The following CSNK1G1 variants were observed in gnomAD, a reference collection of about 807,000 sequenced individuals.
CSNK1G1 encodes the protein casein kinase I isoform gamma-1.
A neutral mutation model predicts 59.6 loss-of-function variants in CSNK1G1; 22 were observed. The observed-to-expected ratio is 0.37, with a 90% CI of 0.26 to 0.53. CSNK1G1 has a LOEUF of 0.53. Among genes scored for constraint, CSNK1G1 ranks in the 20% least tolerant of loss-of-function variants. The pLI, the probability that CSNK1G1 is intolerant of heterozygous loss-of-function variation, is 0.89. For synonymous variants in CSNK1G1, 179 were observed against 177.1 expected, an observed-to-expected ratio of 1.01 and a Z score of -0.08; for missense variants, 384 against 519.5, an observed-to-expected ratio of 0.74 and a Z score of 2.54.
At chr15:64,213,087 A>G (rs2082268663) in intron 6 of CSNK1G1, among the ~76,000 whole-genome samples, 1 of 152,242 alleles carries the variant, frequency 6.6e-6, no homozygotes. Context: ...ATTTCTGCCT[A>G]GGAGTATGGA....
intron 1 of CSNK1G1, among the ~76,000 whole-genome samples, chr15:64,323,468 C>T (rs564272142): frequency 6.6e-6 from 1 of 151,966 alleles, no homozygotes; most frequent in Admixed American, 6.6e-5. Context: ...TGGGTACAAG[C>T]GATTCTCCTG....
rs1331348652 is a variant in CSNK1G1 at position 64,266,557 on chromosome 15, T to C, written c.182-7316A>G. On this transcript the variant is annotated intron_variant, in intron 2 of 11. Coordinates refer to ENST00000303052, the MANE Select transcript of CSNK1G1 (RefSeq NM_022048.5). ...ATATGGAACCACAAAAGATTCCAAATAGCCAAAATAATCTTGGGCAAAAAG... is the reference window on the plus strand; with the variant it reads ...ATATGGAACCACAAAAGATTCCAAACAGCCAAAATAATCTTGGGCAAAAAG... Among the ~76,000 whole-genome samples, 7 of 151,956 alleles carry C rather than the reference T, an allele frequency of 4.6e-5. No individual in the cohort carries two copies. The South Asian group carries it at 1.0e-3, about 22-fold the overall frequency.
chr15:64,185,861 C>CGG, intron 10 of CSNK1G1, among the ~76,000 whole-genome samples: 1 of 119,002 alleles, frequency 8.4e-6, no homozygotes, highest in African/African-American at 3.4e-5. Context: ...GACTCCATCT[C>CGG]GAAAAAAAAA....
chr15:64,270,205 A>G (rs1181678579), intron 2 of CSNK1G1, among the ~76,000 whole-genome samples: 2 of 151,852 alleles, frequency 1.3e-5, no homozygotes, highest in East Asian at 3.9e-4. Context: ...ATTCTTTATT[A>G]GTCTAGCTAG....
At position 64,223,286 on chromosome 15, in the gene CSNK1G1, T is replaced by C. The variant is rs185463815; in HGVS notation, c.293-6573A>G. On this transcript the variant is annotated intron_variant, in intron 4 of 11. Transcript: ENST00000303052. ...TCTTCTTTTGCAGAGCCATCTCTAATCCACTGCTTAAGAAATTTTAAATTA... is the reference window on the plus strand; with the variant it reads ...TCTTCTTTTGCAGAGCCATCTCTAACCCACTGCTTAAGAAATTTTAAATTA... Among the ~76,000 whole-genome samples, 171 of 152,310 alleles carry C rather than the reference T, an allele frequency of 1.1e-3. 1 individual carries two copies. Among genetic ancestry groups the C allele is most frequent in the Non-Finnish European group, 1.7e-3 (114 of 68,022 alleles).
chr15:64,313,162 T>C (rs1896085460), intron 1 of CSNK1G1, among the ~76,000 whole-genome samples: 1 of 152,194 alleles, frequency 6.6e-6, no homozygotes, highest in Non-Finnish European at 1.5e-5. Context: ...GGAGTGTACA[T>C]TAGTTCAACC....
chr15:64,258,080 A>G (rs1274661123), intron 3 of CSNK1G1, among the ~76,000 whole-genome samples: 2 of 152,128 alleles, frequency 1.3e-5, no homozygotes, highest in Non-Finnish European at 2.9e-5. Context: ...GAGAAGAACA[A>G]CCAATCACAG....
At chr15:64,257,012 C>G (rs116317090) in intron 3 of CSNK1G1, among the ~76,000 whole-genome samples, 1,876 of 152,130 alleles carry the variant, frequency 0.012, 28 homozygotes, top group African/African-American at 0.044. Context: ...AGCTCAATTA[C>G]TGCCTTCATA....
chr15:64,229,908 T>A (rs2082521508), intron 4 of CSNK1G1, among the ~76,000 whole-genome samples: 1 of 46,414 alleles, frequency 2.2e-5, no homozygotes, highest in African/African-American at 7.7e-5. Flanking sequence ...GTAAATTTTT[T>A]TTTTTTTTTT....
At chr15:64,212,586 T>C (rs1038722230) in intron 6 of CSNK1G1, among the ~76,000 whole-genome samples, 3 of 152,202 alleles carry the variant, frequency 2.0e-5, no homozygotes, top group Admixed American at 1.3e-4. Context: ...CATGATGGCA[T>C]GCGCCTGTAA....
intron 1 of CSNK1G1, among the ~76,000 whole-genome samples, chr15:64,344,479 G>A (rs1445227027): frequency 6.6e-6 from 1 of 152,066 alleles, no homozygotes; most frequent in Non-Finnish European, 1.5e-5. Context: ...TTAAATATAG[G>A]CTATAATAAC....
At chr15:64,302,608 T>C (rs1465163984) in intron 1 of CSNK1G1, among the ~76,000 whole-genome samples, 2 of 152,182 alleles carry the variant, frequency 1.3e-5, no homozygotes, top group Non-Finnish European at 2.9e-5. Context: ...GTATATCCAC[T>C]ATCCCGGTTA....
At chr15:64,289,654 G>A (rs1174103584) in intron 2 of CSNK1G1, among the ~76,000 whole-genome samples, 1 of 152,070 alleles carries the variant, frequency 6.6e-6, no homozygotes, top group Admixed American at 6.6e-5. Context: ...CTGCTGAATG[G>A]GAGAAAATAT....
At chr15:64,340,383 G>A (rs948840221) in intron 1 of CSNK1G1, among the ~76,000 whole-genome samples, 1 of 151,972 alleles carries the variant, frequency 6.6e-6, no homozygotes, top group African/African-American at 2.4e-5. Context: ...TTGTTTTAAT[G>A]TCAAAAACAT....
At chr15:64,173,179 T>C (rs971722473) in intron 11 of CSNK1G1, among the ~76,000 whole-genome samples, 8 of 152,238 alleles carry the variant, frequency 5.3e-5, no homozygotes, top group Admixed American at 2.6e-4. Flanking sequence ...ATAAAGACTA[T>C]TACTTACTTC....
At chr15:64,217,428 G>C (rs963203355) in intron 4 of CSNK1G1, among the ~76,000 whole-genome samples, 2 of 152,198 alleles carry the variant, frequency 1.3e-5, no homozygotes, top group South Asian at 4.1e-4. Flanking sequence ...TCTCACCTAA[G>C]TGGCAAATTG....
intron 10 of CSNK1G1, among the ~76,000 whole-genome samples, chr15:64,183,925 T>C (rs953641991): frequency 1.3e-5 from 2 of 151,972 alleles, no homozygotes; most frequent in Admixed American, 6.6e-5. Context: ...TTAGTAGAAA[T>C]GGGGTTTCAC....
chr15:64,202,399 T>A (rs945032067), intron 10 of CSNK1G1, among the ~76,000 whole-genome samples: 1 of 151,940 alleles, frequency 6.6e-6, no homozygotes, highest in African/African-American at 2.4e-5. Flanking sequence ...TTTTTTTTTT[T>A]AAACTGCTCC....
In CSNK1G1 at chr15:64,188,775, A is replaced by T. The variant is rs1398306145; in HGVS notation, c.1108-8321T>A. Among the ~76,000 whole-genome samples, 1 of 152,192 alleles carries T rather than the reference A, an allele frequency of 6.6e-6. No homozygotes were observed. The highest frequency in any genetic ancestry group is 1.5e-5 in the Non-Finnish European group (1 of 68,026). ...GAAAAAACACACAGTCAAAGCTGGGATCATCTTTTAGTTTCCATAGAGGTA... is the reference window on the plus strand; with the variant it reads ...GAAAAAACACACAGTCAAAGCTGGGTTCATCTTTTAGTTTCCATAGAGGTA... On this transcript the variant is annotated intron_variant, in intron 10 of 11. Transcript: ENST00000303052. The surrounding 1 kb of genome is among the most constrained non-coding windows in gnomAD (Gnocchi z 4.2).
Sources: allele counts gnomAD v4.1 joint callset (sites outside exome capture counted in the v4.1 genomes callset), GRCh38; gene constraint gnomAD v4.1.1; non-coding constraint Gnocchi (gnomAD v3.1); transcripts MANE v1.5; gene names NCBI Gene and HGNC (gene_info 2026-07-23, HGNC 2026-07-21).